NAV3: variants seen among roughly 807,000 people sequenced by gnomAD.
NAV3 encodes neuron navigator 3, also known as pore membrane and/or filament interacting like protein 1.
Under a neutral mutation model 244.7 loss-of-function variants are expected in NAV3, and 87 were observed. That is an observed-to-expected ratio of 0.36 (90% CI 0.30 to 0.42). NAV3 has a LOEUF of 0.42. Among genes scored for constraint, NAV3 ranks in the 20% least tolerant of loss-of-function variants. The pLI is 1.00. For synonymous variants in NAV3, 1,126 were observed against 1,042.2 expected, an observed-to-expected ratio of 1.08 and a Z score of -1.55; for missense variants, 2,663 against 2,893.3, an observed-to-expected ratio of 0.92 and a Z score of 1.83.
rs758267792 is a variant in NAV3, at chr12:78,119,433, C to A, written c.3237C>A (p.Ile1079=). ...GTGGAGTAGGGTCATCTGCCATGAT[C>A]ACCAGCAGTGGAGCAACCATAACAA... ...KPSGVGSSAM[I]TSSGATITSG... is the part of the protein sequence containing the mutation. Residue 1079 remains isoleucine, a synonymous_variant, in exon 15 of 40, where the codon ATC becomes ATA. Coordinates refer to ENST00000397909, the MANE Select transcript of NAV3 (RefSeq NM_001024383.2). The A allele has an allele frequency of 6.2e-7, 1 of 1,614,186 alleles. No homozygotes were observed. Among genetic ancestry groups the A allele is most frequent in the East Asian group, 2.2e-5 (1 of 44,876 alleles).
At chr12:77,741,148 C>CAAAAAAAAAAAAAAAAAAAGAA in intron 2 of NAV3, among the ~76,000 whole-genome samples, 6 of 68,638 alleles carry the variant, frequency 8.7e-5, no homozygotes, top group Admixed American at 3.6e-4. Flanking sequence ...AAAAAAAAGA[C>CAAAAAAAAAAAAAAAAAAAGAA]AAAAAAAAAA....
chr12:77,794,750 T>TTA (rs1365116770), intron 2 of NAV3, among the ~76,000 whole-genome samples: 7 of 152,242 alleles, frequency 4.6e-5, no homozygotes, highest in African/African-American at 1.7e-4. Flanking sequence ...AATTTTTTAA[T>TTA]TATTATTGTA....
rs181859171 is a variant in NAV3 at position 77,946,122 on chromosome 12, T to A, written c.414+4989T>A. On this transcript the variant is annotated intron_variant, in intron 3 of 39. Transcript: ENST00000397909. ...TATATGTATATATATATATATATAT[T>A]GTGTAAATATACACATATATGTACA... Among the ~76,000 whole-genome samples, 994 of 144,012 alleles carry A rather than the reference T, an allele frequency of 6.9e-3. 9 individuals carry two copies. The highest frequency in any genetic ancestry group is 0.025 in the Middle Eastern group (7 of 278). 94.5% of individuals were successfully genotyped at this position (144,012 alleles called of 152,430 possible).
chr12:77,976,666 C>CTTTCTTTCTTTT (rs1446044531), intron 5 of NAV3, among the ~76,000 whole-genome samples: 21 of 58,052 alleles, frequency 3.6e-4, no homozygotes, highest in African/African-American at 4.5e-4. Flanking sequence ...TTCTTTCTTT[C>CTTTCTTTCTTTT]TTTTTTTCTT....
chr12:77,769,357 T>C (rs1869952171), intron 2 of NAV3, among the ~76,000 whole-genome samples: 1 of 152,252 alleles, frequency 6.6e-6, no homozygotes, highest in South Asian at 2.1e-4. Flanking sequence ...ATGCCCATTT[T>C]ATCAGTAATA....
intron 18 of NAV3, among the ~76,000 whole-genome samples, chr12:78,131,180 T>A (rs1310860036): frequency 2.0e-5 from 3 of 152,202 alleles, no homozygotes; most frequent in Admixed American, 1.3e-4. Flanking sequence ...TTTCCAGCTT[T>A]CAGCCAGGAC....
chr12:77,920,456 T>A (rs1004952528), intron 1 of NAV3, among the ~76,000 whole-genome samples: 3 of 151,952 alleles, frequency 2.0e-5, no homozygotes, highest in African/African-American at 7.2e-5. Flanking sequence ...GCCCCAAAAC[T>A]GTAAGATGAA....
chr12:78,052,142 T>C (rs1314932418), intron 11 of NAV3: 2 of 152,194 alleles, frequency 1.3e-5, no homozygotes, highest in Non-Finnish European at 2.9e-5. Flanking sequence ...AGAGGACCCA[T>C]GTAGGAAATA....
chr12:77,939,705 A>T (rs887814759), intron 1 of NAV3, among the ~76,000 whole-genome samples: 2 of 152,158 alleles, frequency 1.3e-5, no homozygotes, highest in African/African-American at 4.8e-5. Context: ...TCCACTTCTG[A>T]ATTCTACATT....
intron 2 of NAV3, among the ~76,000 whole-genome samples, chr12:77,739,318 A>T (rs1423978098): frequency 6.6e-6 from 1 of 152,210 alleles, no homozygotes; most frequent in Non-Finnish European, 1.5e-5. Context: ...TCAATGCTTT[A>T]AAAAAGATAG....
intron 5 of NAV3, among the ~76,000 whole-genome samples, chr12:77,973,229 A>G (rs1893149450): frequency 6.6e-6 from 1 of 152,194 alleles, no homozygotes; most frequent in Non-Finnish European, 1.5e-5. Context: ...AGTGGTTATT[A>G]AATCACATGA....
intron 19 of NAV3, 51 bp downstream of exon 19, chr12:78,137,416 AG>A (rs1295970609): frequency 6.6e-7 from 1 of 1,516,632 alleles, no homozygotes; most frequent in African/African-American, 1.4e-5. Flanking sequence ...AAACCCTGAG[AG>A]GGAAACCATT....
intron 3 of NAV3, among the ~76,000 whole-genome samples, chr12:77,944,667 A>G (rs1890166162): frequency 6.6e-6 from 1 of 152,130 alleles, no homozygotes; most frequent in Admixed American, 6.6e-5. Flanking sequence ...ACAAGAATGG[A>G]ATCTTACAGG....
At chr12:77,784,049 GT>G (rs1050438526) in intron 2 of NAV3, among the ~76,000 whole-genome samples, 1 of 152,084 alleles carries the variant, frequency 6.6e-6, no homozygotes, top group Non-Finnish European at 1.5e-5. Flanking sequence ...CTGACCTTCA[GT>G]TTTTTCATCA....
chr12:77,788,323 G>A (rs1055075350), intron 2 of NAV3, among the ~76,000 whole-genome samples: 1 of 152,176 alleles, frequency 6.6e-6, no homozygotes, highest in South Asian at 2.1e-4. Flanking sequence ...TTTAAATGCG[G>A]CATTTACTTC....
chr12:77,685,178 T>C (rs755128501), intron 2 of NAV3, among the ~76,000 whole-genome samples: 1 of 152,206 alleles, frequency 6.6e-6, no homozygotes, highest in Non-Finnish European at 1.5e-5. Context: ...TAGAAAAATA[T>C]TTTTATGAAT....
At chr12:77,639,559 T>A (rs890585381) in intron 2 of NAV3, among the ~76,000 whole-genome samples, 3 of 152,206 alleles carry the variant, frequency 2.0e-5, no homozygotes, top group Non-Finnish European at 4.4e-5. Context: ...GAACAGTGGT[T>A]GGCTCATGCT....
intron 30 of NAV3, among the ~76,000 whole-genome samples, chr12:78,185,133 T>C (rs748328274): frequency 6.6e-6 from 1 of 151,850 alleles, no homozygotes; most frequent in Non-Finnish European, 1.5e-5. Flanking sequence ...AGTAGTTATA[T>C]AGCTGGCTGT....
At position 77,608,710 on chromosome 12, in the gene NAV3, T is replaced by C. The variant is rs377278720; in HGVS notation, c.72+36444T>C. ...TTTAGAATGAACTGGGAGTTCTCTATTTTAAGTCTCTTCATCTGGTCATTT... is the reference window on the plus strand; with the variant it reads ...TTTAGAATGAACTGGGAGTTCTCTACTTTAAGTCTCTTCATCTGGTCATTT... On this transcript the variant is annotated intron_variant, in intron 2 of 8. Transcript: ENST00000550042. Among the ~76,000 whole-genome samples the C allele has an allele frequency of 9.2e-5, 14 of 152,232 alleles. 1 individual carries two copies. Among genetic ancestry groups the C allele is most frequent in the Admixed American group, 5.9e-4 (9 of 15,274 alleles).
Sources: allele counts gnomAD v4.1 joint callset (sites outside exome capture counted in the v4.1 genomes callset), GRCh38; gene constraint gnomAD v4.1.1; transcripts MANE v1.5; gene names NCBI Gene and HGNC (gene_info 2026-07-23, HGNC 2026-07-21).